The following DRGX variants were observed in gnomAD, a reference collection of about 807,000 sequenced individuals.
DRGX encodes the protein dorsal root ganglia homeobox protein.
DRGX carries 21 observed loss-of-function variants against 28.6 expected under a neutral mutation model. The observed-to-expected ratio is 0.73, with a 90% CI of 0.52 to 1.06. The LOEUF (loss-of-function observed/expected upper bound fraction) is 1.06. Ranked by LOEUF, DRGX falls within the 50% of genes least tolerant of loss-of-function variation. The probability of loss-of-function intolerance (pLI) is 0.00; values close to 1 mark genes in which losing one functional copy is unlikely to be tolerated. For synonymous variants in DRGX, 136 were observed against 139.1 expected, an observed-to-expected ratio of 0.98 and a Z score of 0.16; for missense variants, 354 against 343.9, an observed-to-expected ratio of 1.03 and a Z score of -0.23.
intron 2 of DRGX, 58 bp downstream of exon 2, chr10:49,395,349 C>A: frequency 1.9e-6 from 3 of 1,545,130 alleles, no homozygotes; most frequent in Non-Finnish European, 2.6e-6. Context: ...GCTGCCGCTC[C>A]GGCCCTTTCT....
At chr10:49,374,823 G>T (rs1849700304) in intron 6 of DRGX, among the ~76,000 whole-genome samples, 1 of 152,210 alleles carries the variant, frequency 6.6e-6, no homozygotes. Context: ...CAATGCCAGT[G>T]ACAAGGAGAG....
chr10:49,379,268 AC>A (rs1849748560), intron 6 of DRGX, among the ~76,000 whole-genome samples: 1 of 152,214 alleles, frequency 6.6e-6, no homozygotes, highest in African/African-American at 2.4e-5. Flanking sequence ...AAGAAAAGTG[AC>A]GTGAGTAAAA....
intron 6 of DRGX, among the ~76,000 whole-genome samples, chr10:49,370,575 C>T (rs1338180112): frequency 1.3e-5 from 2 of 152,212 alleles, no homozygotes; most frequent in Admixed American, 6.5e-5. Context: ...GGCAAATGAG[C>T]CCTGGCCATC....
chr10:49,391,572 C>T (rs1298002604), intron 2 of DRGX, among the ~76,000 whole-genome samples: 1 of 152,174 alleles, frequency 6.6e-6, no homozygotes, highest in African/African-American at 2.4e-5. Context: ...GCAGAGCCTT[C>T]ACGTGCTCTC....
chr10:49,369,646 A>G (rs974357954), intron 6 of DRGX, among the ~76,000 whole-genome samples: 1 of 152,190 alleles, frequency 6.6e-6, no homozygotes. Context: ...TTGCAAGATG[A>G]AGAGTTCAGG....
In DRGX at chr10:49,391,069, T is replaced by TTTAAAA. The variant is rs1849897876; in HGVS notation, c.132+94_132+95insTTTTAA. 4 of 1,303,534 alleles carry TTTAAAA rather than the reference T, an allele frequency of 3.1e-6. No homozygotes were observed. The Admixed American group carries it at 5.8e-5, about 19-fold the overall frequency. The allele number at this position is 1,303,534 out of a possible 1,614,324, so 80.7% of individuals were successfully genotyped here. A position where few individuals can be genotyped will look rare whatever the true frequency, so the allele number is the denominator to read the frequency against. ...GAAAGATTCAGTTAGCATAATCAAT[T>TTTAAAA]GGTCTTATTTTAAAAGACAAAGAAG... On this transcript the variant is annotated intron_variant, in intron 3 of 6. Coordinates refer to ENST00000374139, the MANE Select transcript of DRGX (RefSeq NM_001276451.2).
In DRGX at chr10:49,392,747, T is replaced by C. The variant is rs575638072; in HGVS notation, c.35-1486A>G. Among the ~76,000 whole-genome samples the C allele has an allele frequency of 6.6e-5, 10 of 152,282 alleles. No homozygotes were observed. The East Asian group carries it at 1.5e-3, about 23-fold the overall frequency. On this transcript the variant is annotated intron_variant, in intron 2 of 6. Coordinates refer to ENST00000374139, the MANE Select transcript of DRGX (RefSeq NM_001276451.2). Reference sequence around the variant, plus strand: ...GACAGTTCACCAAATTAATAAAAGATTGACAACCTAATAGAAAAGAGGAAA... The same window carrying C: ...GACAGTTCACCAAATTAATAAAAGACTGACAACCTAATAGAAAAGAGGAAA...
chr10:49,385,180 C>G (rs1849817956), intron 6 of DRGX, among the ~76,000 whole-genome samples: 2 of 152,154 alleles, frequency 1.3e-5, no homozygotes, highest in African/African-American at 4.8e-5. Context: ...ATGTGGCCCC[C>G]AGAGCACCTG....
chr10:49,391,347 T>A (rs763077909), intron 2 of DRGX, 86 bp from the exon 3 acceptor site: 143 of 1,035,130 alleles, frequency 1.4e-4, no homozygotes, highest in Non-Finnish European at 2.0e-4. Flanking sequence ...GGCACCCACC[T>A]GACCCACCAG....
chr10:49,380,861 A>G (rs1354202818), intron 6 of DRGX, among the ~76,000 whole-genome samples: 1 of 152,194 alleles, frequency 6.6e-6, no homozygotes, highest in Non-Finnish European at 1.5e-5. Flanking sequence ...CTGGTCAACA[A>G]TAGTTGGTGT....
chr10:49,370,403 T>C (rs543725709), intron 6 of DRGX, among the ~76,000 whole-genome samples: 72 of 151,678 alleles, frequency 4.7e-4, no homozygotes, highest in African/African-American at 1.6e-3. Flanking sequence ...ATACTCCTTC[T>C]CAAAAAAATA....
At chr10:49,375,567 T>C (rs1849707896) in intron 6 of DRGX, among the ~76,000 whole-genome samples, 1 of 152,166 alleles carries the variant, frequency 6.6e-6, no homozygotes, top group African/African-American at 2.4e-5. Context: ...ATCCCACCCG[T>C]CCCTTAATTT....
At position 49,395,443 on chromosome 10, in the gene DRGX, C is replaced by A; in HGVS notation, c.-3G>T. 1 of 1,550,278 alleles carries A rather than the reference C, an allele frequency of 6.5e-7. No individual in the cohort carries two copies. Among genetic ancestry groups the A allele is most frequent in the South Asian group, 1.2e-5 (1 of 84,064 alleles). On this transcript the variant is annotated 5_prime_UTR_variant, in exon 2 of 7. Coordinates refer to ENST00000374139, the MANE Select transcript of DRGX (RefSeq NM_001276451.2). ...GGCGGGCAGTGGAAATAAAACATCG[C>A]CGGCTGTCAGATCGGCTGGACGGCC...
At chr10:49,379,851 C>A (rs758612943) in intron 6 of DRGX, among the ~76,000 whole-genome samples, 1 of 152,226 alleles carries the variant, frequency 6.6e-6, no homozygotes, top group African/African-American at 2.4e-5. Flanking sequence ...GTCCTGACAG[C>A]GTCCAAGGCC....
intron 6 of DRGX, among the ~76,000 whole-genome samples, chr10:49,378,177 T>C (rs1232336373): frequency 6.6e-6 from 1 of 152,118 alleles, no homozygotes; most frequent in African/African-American, 2.4e-5. Context: ...ATATTAGTAA[T>C]TTTTAAAAAT....
intron 6 of DRGX, among the ~76,000 whole-genome samples, chr10:49,382,555 G>A (rs1193608976): frequency 6.6e-6 from 1 of 152,168 alleles, no homozygotes; most frequent in Non-Finnish European, 1.5e-5. Flanking sequence ...GTCATTCCTT[G>A]CCCAGGCCTA....
chr10:49,366,172 T>G lies in DRGX; in HGVS notation c.736A>C (p.Ser246Arg). 1 of 1,612,472 alleles carries G rather than the reference T, an allele frequency of 6.2e-7. No homozygotes were observed. Among genetic ancestry groups the G allele is most frequent in the Non-Finnish European group, 8.5e-7 (1 of 1,179,010 alleles). ...TTGGTGGGAGAGGTCTTTTCCTGGC[T>G]GCCATCTGGGGGCGCCGGCTTGGCG... The part of the protein sequence containing the change: ...PVAKPAPPDG[S>R]QEKTSPTKEQ... The change falls in exon 7 of 7, where the codon AGC becomes CGC. Residue 246 changes from serine to arginine, a missense_variant. Coordinates refer to ENST00000374139, the MANE Select transcript of DRGX (RefSeq NM_001276451.2).
chr10:49,371,066 C>T (rs751623647), intron 6 of DRGX, among the ~76,000 whole-genome samples: 7 of 152,202 alleles, frequency 4.6e-5, no homozygotes, highest in South Asian at 2.1e-4. Flanking sequence ...CACATGTTAA[C>T]TTAAATTGTC....
At chr10:49,383,913 A>G (rs1394007696) in intron 6 of DRGX, among the ~76,000 whole-genome samples, 1 of 152,238 alleles carries the variant, frequency 6.6e-6, no homozygotes, top group East Asian at 1.9e-4. Flanking sequence ...GCCTGAACCA[A>G]CTAAGACAGG....
Sources: allele counts gnomAD v4.1 joint callset (sites outside exome capture counted in the v4.1 genomes callset), GRCh38; gene constraint gnomAD v4.1.1; transcripts MANE v1.5; gene names NCBI Gene and HGNC (gene_info 2026-07-23, HGNC 2026-07-21).